The following LYN variants were observed in gnomAD, a reference collection of about 807,000 sequenced individuals.
LYN encodes the protein tyrosine-protein kinase Lyn.
A neutral mutation model predicts 65.0 loss-of-function variants in LYN; 12 were observed. The observed-to-expected ratio is 0.18, with a 90% CI of 0.12 to 0.30. The LOEUF is 0.30. Among genes scored for constraint, LYN ranks in the 10% least tolerant of loss-of-function variants. The pLI is 1.00. For missense variants in LYN, 380 were observed against 623.2 expected, an observed-to-expected ratio of 0.61 and a Z score of 4.16; for synonymous variants, 222 against 221.2, an observed-to-expected ratio of 1.00 and a Z score of -0.03.
rs988319129 is a variant in LYN at position 56,011,865 on chromosome 8, C to A, written c.*1755C>A. 1.6e-5 allele frequency: 3 copies of A among 184,548 alleles called. No homozygotes were observed. Among genetic ancestry groups the A allele is most frequent in the Non-Finnish European group, 3.4e-5 (3 of 87,042 alleles). The allele number at this position is 184,548 out of a possible 1,614,324, so 11.4% of individuals were successfully genotyped here. A position where few individuals can be genotyped will look rare whatever the true frequency, so the allele number is the denominator to read the frequency against. ...GTGGTAAGGTTTTTGTGTACACCCC[C>A]CTGCTTGCATTTTATTTCAGAACCA... is the stretch of plus-strand genomic sequence containing the variant. On this transcript the variant is annotated 3_prime_UTR_variant, in exon 13 of 13. Coordinates refer to ENST00000519728, the MANE Select transcript of LYN (RefSeq NM_002350.4).
At chr8:55,924,069 T>C (rs1034740011) in intron 1 of LYN, among the ~76,000 whole-genome samples, 8 of 151,952 alleles carry the variant, frequency 5.3e-5, no homozygotes, top group Admixed American at 2.0e-4. Flanking sequence ...TTCTTTCTTT[T>C]TTTTTTTTAT....
At chr8:55,887,573 TATACACACAC>T in intron 1 of LYN, among the ~76,000 whole-genome samples, 1 of 42,586 alleles carries the variant, frequency 2.3e-5, no homozygotes, top group African/African-American at 8.6e-5. Context: ...TATATATATA[TATACACACAC>T]ACACACACAC....
intron 1 of LYN, among the ~76,000 whole-genome samples, chr8:55,889,840 G>A (rs1407060558): frequency 6.6e-6 from 1 of 152,156 alleles, no homozygotes; most frequent in Non-Finnish European, 1.5e-5. Flanking sequence ...GCTGCTGCTG[G>A]CAAGGTGCTG....
At chr8:55,911,026 A>G (rs750432645) in intron 1 of LYN, among the ~76,000 whole-genome samples, 17 of 144,040 alleles carry the variant, frequency 1.2e-4, no homozygotes, top group Non-Finnish European at 1.8e-4. Flanking sequence ...CCTACCAGGT[A>G]GCTGGGCCTA....
intron 8 of LYN, among the ~76,000 whole-genome samples, chr8:55,964,784 GA>G (rs1350552663): frequency 6.6e-6 from 1 of 152,218 alleles, no homozygotes; most frequent in Non-Finnish European, 1.5e-5. Flanking sequence ...AAAAGAACAA[GA>G]GAAAGTAGAA....
At chr8:55,921,864 T>C (rs1454973163) in intron 1 of LYN, among the ~76,000 whole-genome samples, 2 of 152,220 alleles carry the variant, frequency 1.3e-5, no homozygotes, top group Non-Finnish European at 2.9e-5. Context: ...CTGGATACTC[T>C]TTATTCCACA....
At chr8:55,985,588 A>G (rs544730067) in intron 10 of LYN, among the ~76,000 whole-genome samples, 13 of 152,316 alleles carry the variant, frequency 8.5e-5, no homozygotes, top group Admixed American at 4.6e-4. Flanking sequence ...TCAGAATAAC[A>G]CACATCAAGT....
chr8:55,930,421 T>A (rs1470882444), intron 1 of LYN, among the ~76,000 whole-genome samples: 1 of 152,194 alleles, frequency 6.6e-6, no homozygotes, highest in Non-Finnish European at 1.5e-5. Flanking sequence ...GGATTGTTGA[T>A]CATAAAAATC....
intron 1 of LYN, among the ~76,000 whole-genome samples, chr8:55,896,601 C>A (rs1585571328): frequency 6.6e-6 from 1 of 152,006 alleles, no homozygotes; most frequent in East Asian, 1.9e-4. Flanking sequence ...TCATGTATAC[C>A]TATGTAACAA....
intron 1 of LYN, among the ~76,000 whole-genome samples, chr8:55,921,745 G>A (rs1369932323): frequency 6.6e-6 from 1 of 152,170 alleles, no homozygotes; most frequent in Non-Finnish European, 1.5e-5. Flanking sequence ...GGGAGGGGCA[G>A]GTTGAATATT....
chr8:55,882,929 T>C (rs957528214), intron 1 of LYN, among the ~76,000 whole-genome samples: 1 of 152,216 alleles, frequency 6.6e-6, no homozygotes, highest in African/African-American at 2.4e-5. Flanking sequence ...TCTCAACTTA[T>C]GATGAGGCTG....
chr8:55,911,114 T>C (rs375580772), intron 1 of LYN, among the ~76,000 whole-genome samples: 1 of 5,012 alleles, frequency 2.0e-4, no homozygotes, highest in Non-Finnish European at 3.9e-4. Flanking sequence ...CACGTATATA[T>C]ACGTATATAT....
At chr8:55,968,359 G>A (rs532632926) in intron 9 of LYN, among the ~76,000 whole-genome samples, 12 of 152,178 alleles carry the variant, frequency 7.9e-5, no homozygotes, top group Admixed American at 7.2e-4. Context: ...AGGTTCCAGT[G>A]ATTCTCCTGC....
At chr8:55,972,159 A>G in intron 10 of LYN, among the ~76,000 whole-genome samples, 1 of 152,210 alleles carries the variant, frequency 6.6e-6, no homozygotes, top group Non-Finnish European at 1.5e-5. Context: ...GCTCAAGTGC[A>G]TGAACTGCTC....
At chr8:56,003,999 C>T (rs1808605593) in intron 12 of LYN, among the ~76,000 whole-genome samples, 1 of 135,630 alleles carries the variant, frequency 7.4e-6, no homozygotes, top group Non-Finnish European at 1.5e-5. Flanking sequence ...ATGGCGCCAT[C>T]TCACCTCACT....
intron 1 of LYN, among the ~76,000 whole-genome samples, chr8:55,922,825 T>G (rs1673015267): frequency 6.6e-6 from 1 of 151,588 alleles, no homozygotes; most frequent in Admixed American, 6.6e-5. Context: ...TAAAGATGAG[T>G]GTAGCAAAAC....
At position 55,946,569 on chromosome 8, in the gene LYN, G is replaced by GT. The variant is rs1187656181; in HGVS notation, c.178+81dup. The GT allele has an allele frequency of 2.4e-5, 23 of 951,980 alleles. No individual in the cohort carries two copies. The Admixed American group carries it at 4.9e-4, about 20-fold the overall frequency. The allele number at this position is 951,980 out of a possible 1,614,324, so 59.0% of individuals were successfully genotyped here. A position where few individuals can be genotyped will look rare whatever the true frequency, so the allele number is the denominator to read the frequency against. On this transcript the variant is annotated intron_variant, in intron 3 of 12. Coordinates refer to ENST00000519728, the MANE Select transcript of LYN (RefSeq NM_002350.4). ...CTTCTATAAAGTGATTGTCCTAAAT[G>GT]TTTTTATTTTTTTTTATTGTGGGAC...
In LYN at chr8:55,887,173, G is replaced by A. The variant is rs568859510; in HGVS notation, c.-6+7070G>A. On this transcript the variant is annotated intron_variant, in intron 1 of 12. Transcript: ENST00000519728. Reference sequence around the variant, plus strand: ...TTTCAAAAGCTGAACACGGCCAGGCGGCCAGGCGCAGTGGCCCTTGCCTGT... The same window carrying A: ...TTTCAAAAGCTGAACACGGCCAGGCAGCCAGGCGCAGTGGCCCTTGCCTGT... Among the ~76,000 whole-genome samples the A allele has an allele frequency of 5.9e-5, 9 of 152,166 alleles. 1 individual carries two copies. The highest frequency in any genetic ancestry group is 7.3e-5 in the Non-Finnish European group (5 of 68,046).
At chr8:55,966,133 T>C (rs1449180115) in intron 8 of LYN, among the ~76,000 whole-genome samples, 1 of 152,028 alleles carries the variant, frequency 6.6e-6, no homozygotes, top group Non-Finnish European at 1.5e-5. Flanking sequence ...TAAAAATAAA[T>C]AAATAAATAT....
Sources: gnomAD v4.1 joint callset for allele counts (sites outside exome capture counted in the v4.1 genomes callset) on GRCh38, gnomAD v4.1.1 for gene constraint, MANE v1.5 for transcripts, NCBI Gene and HGNC (gene_info 2026-07-23, HGNC 2026-07-21) for gene names.